RFTN2: variants seen among roughly 807,000 people sequenced by gnomAD.
RFTN2 encodes the protein raftlin-2.
RFTN2 carries 34 observed loss-of-function variants against 52.7 expected under a neutral mutation model. The observed-to-expected ratio is 0.64, with a 90% CI of 0.49 to 0.86. The LOEUF is 0.86. RFTN2 is among the 40% of genes least tolerant of loss of function. RFTN2 has a pLI of 0.00. For synonymous variants in RFTN2, 203 were observed against 217.7 expected (o/e 0.93, Z 0.59); for missense variants, 536 against 600.1 (o/e 0.89, Z 1.12).
At chr2:197,642,997 A>G (rs1224807439) in intron 3 of RFTN2, among the ~76,000 whole-genome samples, 4 of 152,234 alleles carry the variant, frequency 2.6e-5, no homozygotes, top group Non-Finnish European at 4.4e-5. Context: ...AATGGGATTT[A>G]TGATTCTTCT....
In RFTN2 at chr2:197,570,864, A is replaced by G. The variant is rs958124494; in HGVS notation, c.*1144T>C. 3.9e-5 allele frequency: 6 copies of G among 152,270 alleles called. No homozygotes were observed. Among genetic ancestry groups the G allele is most frequent in the African/African-American group, 1.4e-4 (6 of 41,474 alleles). The allele number at this position is 152,270 out of a possible 1,614,324, so 9.4% of individuals were successfully genotyped here. On this transcript the variant is annotated 3_prime_UTR_variant, in exon 9 of 9. Coordinates refer to ENST00000295049, the MANE Select transcript of RFTN2 (RefSeq NM_144629.3). ...TGTCAACATCAATGTTAATAAAAAT[A>G]TATAATAGGCTGAATTCATCAATGA...
In RFTN2 at chr2:197,636,830, G is replaced by A. The variant is rs1464355432; in HGVS notation, c.439-2833C>T. ...CCTGTCTTGTGCCAGTTTTCAAAGG[G>A]AATGCTTCCAGTTTTTGCCCATTTA... is the stretch of plus-strand genomic sequence containing the variant. On this transcript the variant is annotated intron_variant, in intron 3 of 8. Transcript: ENST00000295049. 1.7e-3 allele frequency among the ~76,000 whole-genome samples: 248 copies of A among 149,122 alleles called. 1 individual carries two copies. Among genetic ancestry groups the A allele is most frequent in the Non-Finnish European group, 3.1e-3 (204 of 66,522 alleles).
At chr2:197,579,613 C>T (rs934164870) in intron 8 of RFTN2, among the ~76,000 whole-genome samples, 8 of 152,104 alleles carry the variant, frequency 5.3e-5, no homozygotes, top group South Asian at 2.1e-4. Context: ...TTTTACACAT[C>T]GGTCCCTCCC....
chr2:197,622,033 C>T (rs144064920), intron 5 of RFTN2, among the ~76,000 whole-genome samples: 2 of 152,322 alleles, frequency 1.3e-5, no homozygotes, highest in Non-Finnish European at 1.5e-5. Context: ...AAAGCAGCCA[C>T]AAGCAGTCCC....
intron 8 of RFTN2, among the ~76,000 whole-genome samples, chr2:197,593,083 A>T (rs1386262279): frequency 1.3e-5 from 2 of 152,242 alleles, no homozygotes; most frequent in East Asian, 3.8e-4. Flanking sequence ...TTAGAAGAGG[A>T]ATTGTAAGTT....
chr2:197,666,036 G>A (rs2089052971), intron 1 of RFTN2, among the ~76,000 whole-genome samples: 1 of 151,432 alleles, frequency 6.6e-6, no homozygotes. Context: ...GGCTGGACTA[G>A]TGGTTGTGAA....
rs753403310 is a variant in RFTN2 at position 197,633,808 on chromosome 2, C to T, written c.628G>A (p.Gly210Arg). The T allele has an allele frequency of 1.9e-5, 31 of 1,613,612 alleles. No individual in the cohort carries two copies. Among genetic ancestry groups the T allele is most frequent in the Admixed American group, 1.2e-4 (7 of 59,970 alleles). ...TCATGATGAAGTTCTTCCTCAATTC[C>T]GCTTTCAGATGACTGCCCACTTAAC... ...GTLSGQSSES[G>R]IEEELHHESG... The change falls in exon 4 of 9, where the codon GGA (glycine) becomes AGA (arginine). Residue 210 changes from glycine (G) to arginine (R), a missense_variant. Gly to Arg is a moderately radical substitution (Grantham distance 125). Transcript: ENST00000295049.
chr2:197,619,138 G>T (rs1371855835), intron 5 of RFTN2, among the ~76,000 whole-genome samples: 1 of 151,290 alleles, frequency 6.6e-6, no homozygotes, highest in East Asian at 2.0e-4. Flanking sequence ...GGGAGGTGGG[G>T]GGGGTCAGCC....
intron 5 of RFTN2, among the ~76,000 whole-genome samples, chr2:197,618,737 C>T (rs1190675334): frequency 1.2e-4 from 18 of 148,008 alleles, no homozygotes; most frequent in South Asian, 2.1e-4. Flanking sequence ...TCTGCCCTGC[C>T]GCCCCGTCCG....
At chr2:197,669,995 T>G (rs528148772) in intron 1 of RFTN2, among the ~76,000 whole-genome samples, 6 of 152,198 alleles carry the variant, frequency 3.9e-5, no homozygotes, top group African/African-American at 1.4e-4. Flanking sequence ...TTTGAGCATA[T>G]AAAGGGAAGC....
intron 8 of RFTN2, among the ~76,000 whole-genome samples, chr2:197,592,204 T>A (rs1309835167): frequency 1.3e-5 from 2 of 151,894 alleles, no homozygotes; most frequent in African/African-American, 4.8e-5. Flanking sequence ...AGAGAAAAAT[T>A]TTTTTTTTGA....
intron 5 of RFTN2, chr2:197,618,124 C>T (rs983905531): frequency 3.7e-6 from 1 of 273,390 alleles, no homozygotes; most frequent in Non-Finnish European, 7.0e-6. Flanking sequence ...CACGGTCTCC[C>T]TCTGATGCCC....
chr2:197,665,517 C>CTTTCTTTTTTTTTT (rs373197868), intron 1 of RFTN2, among the ~76,000 whole-genome samples: 14 of 41,510 alleles, frequency 3.4e-4, no homozygotes, highest in African/African-American at 2.0e-3. Context: ...TGTACCTTGC[C>CTTTCTTTTTTTTTT]TTTTTTTTTT....
intron 3 of RFTN2, among the ~76,000 whole-genome samples, chr2:197,637,130 G>C (rs1408321161): frequency 7.3e-5 from 11 of 149,908 alleles, no homozygotes; most frequent in Non-Finnish European, 1.5e-4. Flanking sequence ...TGTGCTGCTG[G>C]ATTCGTTTTG....
intron 7 of RFTN2, among the ~76,000 whole-genome samples, chr2:197,598,651 A>C (rs2106190605): frequency 6.6e-6 from 1 of 152,302 alleles, no homozygotes; most frequent in African/African-American, 2.4e-5. Context: ...GTGCATTCCA[A>C]ACATTGAGGT....
chr2:197,580,156 C>T (rs2087481656), intron 8 of RFTN2, among the ~76,000 whole-genome samples: 1 of 152,098 alleles, frequency 6.6e-6, no homozygotes, highest in Non-Finnish European at 1.5e-5. Context: ...ATTACCCGAT[C>T]CGCTCCCGAC....
At chr2:197,594,276 A>G (rs1271596374) in intron 8 of RFTN2, among the ~76,000 whole-genome samples, 1 of 151,784 alleles carries the variant, frequency 6.6e-6, no homozygotes, top group Non-Finnish European at 1.5e-5. Context: ...CGCCTCCCAG[A>G]GTGCTGGGAT....
intron 7 of RFTN2, among the ~76,000 whole-genome samples, chr2:197,597,340 C>T (rs899965791): frequency 1.1e-4 from 17 of 152,012 alleles, no homozygotes; most frequent in African/African-American, 2.9e-4. Flanking sequence ...CTTTGGTACA[C>T]GGGCGGGATT....
chr2:197,577,165 T>C (rs1248701093), intron 8 of RFTN2, among the ~76,000 whole-genome samples: 1 of 152,230 alleles, frequency 6.6e-6, no homozygotes, highest in African/African-American at 2.4e-5. Flanking sequence ...CCCTAAAATG[T>C]GTAAAACCAA....
Sources: allele counts gnomAD v4.1 joint callset (sites outside exome capture counted in the v4.1 genomes callset), GRCh38; gene constraint gnomAD v4.1.1; transcripts MANE v1.5; gene names NCBI Gene and HGNC (gene_info 2026-07-23, HGNC 2026-07-21).